USH2A: variants seen among roughly 807,000 people sequenced by gnomAD.
The protein encoded by USH2A is usherin, also known as Usher syndrome 2A (autosomal recessive, mild).
A neutral mutation model predicts 538.9 loss-of-function variants in USH2A; 443 were observed. That is an observed-to-expected ratio of 0.82 (90% CI 0.76 to 0.89). USH2A has a LOEUF of 0.89. USH2A is among the 40% of genes least tolerant of loss of function. The pLI, the probability that USH2A is intolerant of heterozygous loss-of-function variation, is 0.00. For missense variants in USH2A, 6,633 were observed against 6,324.8 expected, an observed-to-expected ratio of 1.05 and a Z score of -1.65; for synonymous variants, 2,413 against 2,273.5, an observed-to-expected ratio of 1.06 and a Z score of -1.75.
intron 69 of USH2A, among the ~76,000 whole-genome samples, chr1:215,636,699 A>G (rs1255232181): frequency 6.6e-6 from 1 of 152,142 alleles, no homozygotes; most frequent in Non-Finnish European, 1.5e-5. Context: ...AGCCCTTAGA[A>G]CAGTCAGAGG....
chr1:216,316,903 G>A (rs746075234), intron 9 of USH2A, among the ~76,000 whole-genome samples: 1 of 152,132 alleles, frequency 6.6e-6, no homozygotes, highest in African/African-American at 2.4e-5. Context: ...CGCTAACTCA[G>A]GGTTCTTTGC....
intron 3 of USH2A, among the ~76,000 whole-genome samples, chr1:216,376,999 G>T (rs763316549): frequency 1.3e-5 from 2 of 151,930 alleles, no homozygotes; most frequent in Non-Finnish European, 2.9e-5. Flanking sequence ...TAAAAGAAAG[G>T]CATGCTTTTC....
intron 38 of USH2A, among the ~76,000 whole-genome samples, chr1:215,924,783 A>AT (rs1666194421): frequency 6.6e-6 from 1 of 151,998 alleles, no homozygotes; most frequent in African/African-American, 2.4e-5. Flanking sequence ...ATTTTATTTT[A>AT]TTTTTTTAAG....
intron 21 of USH2A, among the ~76,000 whole-genome samples, chr1:216,099,335 G>C (rs976101872): frequency 6.6e-6 from 1 of 152,020 alleles, no homozygotes; most frequent in African/African-American, 2.4e-5. Context: ...GAATAGAATT[G>C]TTTGCCCCAA....
intron 21 of USH2A, among the ~76,000 whole-genome samples, chr1:216,098,877 G>A (rs2032511154): frequency 6.6e-6 from 1 of 152,152 alleles, no homozygotes. Flanking sequence ...GAAGGATTTG[G>A]CGGGAATTGT....
intron 61 of USH2A, among the ~76,000 whole-genome samples, chr1:215,691,693 A>T (rs1658617787): frequency 6.6e-6 from 1 of 152,102 alleles, no homozygotes; most frequent in South Asian, 2.1e-4. Flanking sequence ...CAGAATGTAA[A>T]CTCCACAGAG....
In USH2A at chr1:216,302,013, A is replaced by G. The variant is rs530952475; in HGVS notation, c.1645-9643T>C. On this transcript the variant is annotated intron_variant, in intron 9 of 71. Coordinates refer to ENST00000307340, the MANE Select transcript of USH2A (RefSeq NM_206933.4). Reference sequence around the variant, plus strand: ...TCTACTAGGTAGAGAAATCATCTTTATAAACATAAAAACTTTAGTGTACTC... The same window carrying G: ...TCTACTAGGTAGAGAAATCATCTTTGTAAACATAAAAACTTTAGTGTACTC... Among the ~76,000 whole-genome samples the G allele has an allele frequency of 2.0e-5, 3 of 152,370 alleles. No homozygotes were observed. In the South Asian group the frequency reaches 6.2e-4, roughly 32 times the overall value.
rs59074625 is a variant in USH2A at position 216,237,494 on chromosome 1, TA to T, written c.2810-5359del. 7.5e-3 allele frequency among the ~76,000 whole-genome samples: 854 copies of T among 114,288 alleles called. 6 individuals carry two copies. Among genetic ancestry groups the T allele is most frequent in the African/African-American group, 0.021 (636 of 30,364 alleles). The allele number at this position is 114,288 out of a possible 152,430, so 75.0% of individuals were successfully genotyped here. On this transcript the variant is annotated intron_variant, in intron 13 of 71. Coordinates refer to ENST00000307340, the MANE Select transcript of USH2A (RefSeq NM_206933.4). ...TGGGCGACAGAGCAAGACTCCGTCT[TA>T]AAAAAAAAAAAAAAAAAAAGAAAGA... is the stretch of plus-strand genomic sequence containing the variant.
Position 215,741,304 on chromosome 1 carries a change from T to A in USH2A, c.11711+71A>T, listed in dbSNP as rs6694510. ...ATTCTCTTATGGAAATATAAAATGCTCTTGATTCTGCTGTGTTGGAGCAGT... is the reference window on the plus strand; with the variant it reads ...ATTCTCTTATGGAAATATAAAATGCACTTGATTCTGCTGTGTTGGAGCAGT... On this transcript the variant is annotated intron_variant, in intron 60 of 71. Transcript: ENST00000307340. 372,091 of 1,516,152 alleles carry A rather than the reference T, an allele frequency of 0.25. 48,048 individuals are homozygous for A. Among genetic ancestry groups the A allele is most frequent in the East Asian group, 0.4 (17,697 of 44,320 alleles). The allele number at this position is 1,516,152 out of a possible 1,614,324, so 93.9% of individuals were successfully genotyped here.
At chr1:215,862,538 A>G (rs1422806384) in intron 44 of USH2A, among the ~76,000 whole-genome samples, 1 of 152,168 alleles carries the variant, frequency 6.6e-6, no homozygotes, top group African/African-American at 2.4e-5. Context: ...CGTTGTGCAG[A>G]TGTACCCTAG....
At chr1:215,864,198 C>G (rs1456583217) in intron 44 of USH2A, among the ~76,000 whole-genome samples, 1 of 152,090 alleles carries the variant, frequency 6.6e-6, no homozygotes, top group African/African-American at 2.4e-5. Flanking sequence ...ACTGTTAAGT[C>G]TAAACGCATG....
chr1:215,868,041 G>A (rs1664525634), intron 43 of USH2A, among the ~76,000 whole-genome samples: 1 of 152,106 alleles, frequency 6.6e-6, no homozygotes, highest in East Asian at 1.9e-4. Flanking sequence ...AACATGTAGT[G>A]CAACACACGA....
intron 37 of USH2A, among the ~76,000 whole-genome samples, chr1:215,953,246 C>T (rs1188172640): frequency 6.6e-6 from 1 of 152,100 alleles, no homozygotes; most frequent in Non-Finnish European, 1.5e-5. Flanking sequence ...AAAAAAGAGC[C>T]CGCATTGCCA....
At chr1:215,947,236 G>T (rs2102437209) in intron 37 of USH2A, among the ~76,000 whole-genome samples, 1 of 152,028 alleles carries the variant, frequency 6.6e-6, no homozygotes, top group South Asian at 2.1e-4. Flanking sequence ...TAGAGACAGG[G>T]TTTCGCCATG....
intron 14 of USH2A, among the ~76,000 whole-genome samples, chr1:216,220,921 A>G (rs562176446): frequency 1.1e-4 from 17 of 152,296 alleles, no homozygotes; most frequent in African/African-American, 3.8e-4. Context: ...GAGATCTCCA[A>G]TTGCTAAGGG....
intron 41 of USH2A, among the ~76,000 whole-genome samples, chr1:215,881,514 A>G (rs1365089548): frequency 2.6e-5 from 4 of 152,198 alleles, no homozygotes; most frequent in African/African-American, 7.2e-5. Context: ...GACCACATTT[A>G]TTATTGTATA....
chr1:216,005,949 A>T (rs1349518515), intron 32 of USH2A, among the ~76,000 whole-genome samples: 1 of 152,146 alleles, frequency 6.6e-6, no homozygotes, highest in Non-Finnish European at 1.5e-5. Context: ...GTTAATATCA[A>T]TCCATTATTT....
chr1:215,704,741 C>T (rs1005481746), intron 61 of USH2A, among the ~76,000 whole-genome samples: 1 of 152,184 alleles, frequency 6.6e-6, no homozygotes, highest in Non-Finnish European at 1.5e-5. Context: ...GAATGCCCTT[C>T]TATGCCTGGA....
At chr1:215,875,417 CAAT>C (rs1031539066) in intron 43 of USH2A, among the ~76,000 whole-genome samples, 66 of 152,100 alleles carry the variant, frequency 4.3e-4, no homozygotes, top group African/African-American at 1.6e-3. Context: ...CCCTTTAACA[CAAT>C]TTTGTTATCT....
Sources: gnomAD v4.1 joint callset for allele counts (sites outside exome capture counted in the v4.1 genomes callset) on GRCh38, gnomAD v4.1.1 for gene constraint, MANE v1.5 for transcripts, NCBI Gene and HGNC (gene_info 2026-07-23, HGNC 2026-07-21) for gene names.